The following TNR variants were observed in gnomAD, a reference collection of about 807,000 sequenced individuals.
The protein encoded by TNR is tenascin R.
TNR carries 45 observed loss-of-function variants against 150.4 expected under a neutral mutation model. That is an observed-to-expected ratio of 0.30 (90% CI 0.24 to 0.38). The LOEUF (loss-of-function observed/expected upper bound fraction) is 0.38. TNR is among the 10% of genes least tolerant of loss of function. The pLI is 1.00. For missense variants in TNR, 1,544 were observed against 1,759.1 expected, an observed-to-expected ratio of 0.88 and a Z score of 2.19; for synonymous variants, 687 against 678.4, an observed-to-expected ratio of 1.01 and a Z score of -0.20.
chr1:175,491,642 C>CTTTTTT (rs60469855), intron 2 of TNR, among the ~76,000 whole-genome samples: 43 of 85,166 alleles, frequency 5.0e-4, no homozygotes, highest in East Asian at 1.7e-3. Context: ...CAGGCCCAGA[C>CTTTTTT]TTTTTTTTTT....
chr1:175,491,155 T>C (rs575119553), intron 2 of TNR, among the ~76,000 whole-genome samples: 2 of 151,162 alleles, frequency 1.3e-5, no homozygotes, highest in Non-Finnish European at 2.9e-5. Flanking sequence ...CACTTATAAG[T>C]GGGAGCTGAA....
intron 9 of TNR, among the ~76,000 whole-genome samples, chr1:175,375,966 A>T (rs748226353): frequency 6.6e-6 from 1 of 152,208 alleles, no homozygotes; most frequent in Non-Finnish European, 1.5e-5. Flanking sequence ...AGGAAATTTA[A>T]GAAATTTGCT....
intron 2 of TNR, among the ~76,000 whole-genome samples, chr1:175,461,297 T>C (rs188239282): frequency 3.9e-4 from 60 of 152,300 alleles, no homozygotes; most frequent in African/African-American, 1.3e-3. Context: ...TTTATAGCAC[T>C]CAGTGTCCGG....
At position 175,331,082 on chromosome 1, in the gene TNR, T is replaced by TTTCC. The variant is rs1557868122; in HGVS notation, c.3632-848_3632-847insGGAA. 5.5e-4 allele frequency among the ~76,000 whole-genome samples: 48 copies of TTTCC among 86,520 alleles called. 1 individual carries two copies. The highest frequency in any genetic ancestry group is 2.1e-3 in the East Asian group (5 of 2,404). The allele number at this position is 86,520 out of a possible 152,430, so 56.8% of individuals were successfully genotyped here. On this transcript the variant is annotated intron_variant, in intron 20 of 22. Transcript: ENST00000367674. ...CTTTCTTTCTTTCTTTCTTTCCTTCTTTCTTTCTTTCTTTCTTTCTCTCTC... is the reference window on the plus strand; with the variant it reads ...CTTTCTTTCTTTCTTTCTTTCCTTCTTTCCTTCTTTCTTTCTTTCTTTCTCTCTC...
chr1:175,501,997 G>A (rs963252119), intron 2 of TNR, among the ~76,000 whole-genome samples: 4 of 152,128 alleles, frequency 2.6e-5, no homozygotes, highest in African/African-American at 9.7e-5. Context: ...GAAGCACAAT[G>A]CAATTTTGAG....
chr1:175,656,263 A>C (rs1665174190), intron 1 of TNR, among the ~76,000 whole-genome samples: 2 of 151,404 alleles, frequency 1.3e-5, no homozygotes, highest in Non-Finnish European at 2.9e-5. Context: ...GCCCTGTGCC[A>C]ACCCTGAGGT....
intron 1 of TNR, among the ~76,000 whole-genome samples, chr1:175,632,872 T>G (rs1471289348): frequency 6.6e-6 from 1 of 152,188 alleles, no homozygotes. Context: ...AACATTAAAC[T>G]GAGACTCTCT....
At chr1:175,640,791 G>GTATATATATATATATATATACATATA (rs59240572) in intron 1 of TNR, among the ~76,000 whole-genome samples, 9 of 143,646 alleles carry the variant, frequency 6.3e-5, no homozygotes, top group African/African-American at 2.3e-4. Context: ...GTGTGTGTGG[G>GTATATATATATATATATATACATATA]TATATATATA....
chr1:175,555,200 T>C (rs933607989), intron 1 of TNR, among the ~76,000 whole-genome samples: 2 of 152,112 alleles, frequency 1.3e-5, no homozygotes, highest in African/African-American at 4.8e-5. Flanking sequence ...GTCCCTGCTT[T>C]TCTCCCCTTT....
rs191101584 is a variant in TNR at position 175,707,744 on chromosome 1, T to C, written c.-165+35482A>G. 1.7e-3 allele frequency among the ~76,000 whole-genome samples: 254 copies of C among 152,320 alleles called. 1 individual carries two copies. Among genetic ancestry groups the C allele is most frequent in the African/African-American group, 5.7e-3 (239 of 41,568 alleles). ...AATCAGAAATTATTCGGAAGGTTTATTATGAGGCCAATAGTAGGCAATCTC... is the reference window on the plus strand; with the variant it reads ...AATCAGAAATTATTCGGAAGGTTTACTATGAGGCCAATAGTAGGCAATCTC... On this transcript the variant is annotated intron_variant, in intron 1 of 22. Coordinates refer to ENST00000367674, the MANE Select transcript of TNR (RefSeq NM_003285.3).
At position 175,419,451 on chromosome 1, in the gene TNR, A is replaced by T. The variant is rs547576362; in HGVS notation, c.-63-12674T>A. ...TCGTGTGGGATCCATATAGGTTATT[A>T]AAAAAACCCACTAAGGGGATGCAGA... On this transcript the variant is annotated intron_variant, in intron 2 of 22. Transcript: ENST00000367674. 3.6e-4 allele frequency among the ~76,000 whole-genome samples: 54 copies of T among 152,088 alleles called. No homozygotes were observed. The South Asian group carries it at 0.01, about 29-fold the overall frequency.
intron 1 of TNR, among the ~76,000 whole-genome samples, chr1:175,622,496 T>C (rs1664011727): frequency 6.6e-6 from 1 of 152,212 alleles, no homozygotes; most frequent in African/African-American, 2.4e-5. Context: ...GGCATTTGTA[T>C]ATACTGTTTC....
intron 18 of TNR, among the ~76,000 whole-genome samples, chr1:175,342,904 T>A (rs1435519295): frequency 1.3e-5 from 2 of 152,240 alleles, no homozygotes. Flanking sequence ...TTGATCCACT[T>A]ATATCAGAAG....
intron 1 of TNR, among the ~76,000 whole-genome samples, chr1:175,633,661 G>A (rs1664404232): frequency 6.6e-6 from 1 of 152,142 alleles, no homozygotes; most frequent in Non-Finnish European, 1.5e-5. Flanking sequence ...TGAATGGATG[G>A]CCTCTTAGTA....
intron 1 of TNR, among the ~76,000 whole-genome samples, chr1:175,695,360 G>A (rs1571760791): frequency 6.6e-6 from 1 of 151,950 alleles, no homozygotes; most frequent in East Asian, 1.9e-4. Context: ...GGCAGCTCTT[G>A]CCAGTGTCTT....
chr1:175,571,779 T>A (rs760966599), intron 1 of TNR, among the ~76,000 whole-genome samples: 5 of 152,172 alleles, frequency 3.3e-5, no homozygotes, highest in Non-Finnish European at 5.9e-5. Flanking sequence ...ATACTTGGGT[T>A]GAAATCTAAT....
At position 175,316,537 on chromosome 1, in the gene TNR, T is replaced by C. The variant is rs1366231305; in HGVS notation, c.*6820A>G. 2.6e-5 allele frequency: 4 copies of C among 152,214 alleles called. No individual in the cohort carries two copies. The highest frequency in any genetic ancestry group is 7.2e-5 in the African/African-American group (3 of 41,454). 9.4% of individuals were successfully genotyped at this position (152,214 alleles called of 1,614,324 possible). On this transcript the variant is annotated 3_prime_UTR_variant, in exon 23 of 23. Transcript: ENST00000367674. ...AATAATATAATCCTTTCTTCCCAAA[T>C]TCTGGAGTAAAATTGATGCTCTGAG...
intron 1 of TNR, among the ~76,000 whole-genome samples, chr1:175,677,975 G>A (rs1207015818): frequency 2.0e-5 from 3 of 152,092 alleles, no homozygotes; most frequent in Non-Finnish European, 4.4e-5. Context: ...CTTTCCCACC[G>A]AGAAGTGCAT....
chr1:175,439,014 G>GA (rs1197828664), intron 2 of TNR, among the ~76,000 whole-genome samples: 4 of 152,148 alleles, frequency 2.6e-5, no homozygotes, highest in Non-Finnish European at 4.4e-5. Context: ...CACAGAATTG[G>GA]AAAAAACTAC....
Sources: gnomAD v4.1 joint callset for allele counts (sites outside exome capture counted in the v4.1 genomes callset) on GRCh38, gnomAD v4.1.1 for gene constraint, MANE v1.5 for transcripts, NCBI Gene and HGNC (gene_info 2026-07-23, HGNC 2026-07-21) for gene names.